The following WNK1 variants were observed in gnomAD, a reference collection of about 807,000 sequenced individuals.
The protein encoded by WNK1 is serine/threonine-protein kinase WNK1.
A neutral mutation model predicts 222.8 loss-of-function variants in WNK1; 38 were observed. That is an observed-to-expected ratio of 0.17 (90% confidence interval 0.13 to 0.22). The LOEUF (loss-of-function observed/expected upper bound fraction) is 0.22. Among genes scored for constraint, WNK1 ranks in the 10% least tolerant of loss-of-function variants. The pLI is 1.00. For synonymous variants in WNK1, 1,090 were observed against 1,092.9 expected (o/e 1.00, Z 0.05); for missense variants, 2,348 against 2,918.4 (o/e 0.80, Z 4.50).
In WNK1 at chr12:881,977, G is replaced by A. The variant is rs1953206659; in HGVS notation, c.3276G>A (p.Arg1092=). ...GNENVPSSSG[R]HEGRTTKRHY... ...AGAACGTCCCATCTTCCAGTGGAAG[G>A]CATGAAGGAAGAACTACAAAACGGC... The change falls in exon 14 of 28, where the codon AGG becomes AGA. Residue 1092 remains arginine, a synonymous_variant. Coordinates refer to ENST00000315939, the MANE Select transcript of WNK1 (RefSeq NM_018979.4). 1 of 1,614,126 alleles carries A rather than the reference G, an allele frequency of 6.2e-7. No homozygotes were observed. The highest frequency in any genetic ancestry group is 8.5e-7 in the Non-Finnish European group (1 of 1,180,022).
rs1236699407 is a variant in WNK1, at chr12:861,183, T to G, written c.1791T>G (p.Ser597Arg). Residue 597 changes from serine to arginine, a missense_variant, in exon 7 of 28, where the codon AGT (serine) becomes AGG (arginine). Physicochemically the swap from Ser to Arg is moderately radical, Grantham distance 110 (BLOSUM62 -1). Transcript: ENST00000315939. The part of the protein sequence containing the change: ...SSLKQQVEQS[S>R]ASQTGIKQLP... Reference sequence around the variant, plus strand: ...TCAAACAGCAGGTAGAACAATCCAGTGCTTCCCAGACAGGAATCAAGCAGC... The same window carrying G: ...TCAAACAGCAGGTAGAACAATCCAGGGCTTCCCAGACAGGAATCAAGCAGC... 6.2e-7 allele frequency: 1 copy of G among 1,613,822 alleles called. No individual in the cohort carries two copies. The highest frequency in any genetic ancestry group is 1.1e-5 in the South Asian group (1 of 91,070).
chr12:875,485 A>G (rs1952523868), intron 9 of WNK1, among the ~76,000 whole-genome samples: 1 of 152,252 alleles, frequency 6.6e-6, no homozygotes, highest in Non-Finnish European at 1.5e-5. Flanking sequence ...AATATTTTTA[A>G]GGAATAAACA....
rs907851307 is a variant in WNK1, at chr12:778,333, TTTTC to T, written c.759+24017_759+24020del. Among the ~76,000 whole-genome samples the T allele has an allele frequency of 3.0e-4, 46 of 152,138 alleles. 1 individual carries two copies. The East Asian group carries it at 7.9e-3, about 26-fold the overall frequency. ...ATTAATTTTTTTTTCGTCTTTTCCTTTTTCTTTCTTTTTTTCTGAGACGGAGTCT... is the reference window on the plus strand; with the variant it reads ...ATTAATTTTTTTTTCGTCTTTTCCTTTTTCTTTTTTTCTGAGACGGAGTCT... On this transcript the variant is annotated intron_variant, in intron 1 of 27. Coordinates refer to ENST00000315939, the MANE Select transcript of WNK1 (RefSeq NM_018979.4).
intron 2 of WNK1, among the ~76,000 whole-genome samples, chr12:814,685 AC>A (rs1039624446): frequency 6.6e-6 from 1 of 151,976 alleles, no homozygotes; most frequent in African/African-American, 2.4e-5. Context: ...GCAGTCCCCA[AC>A]CTTTTTGGCA....
At chr12:907,327 A>G (rs1031092549) in intron 26 of WNK1, among the ~76,000 whole-genome samples, 1 of 151,796 alleles carries the variant, frequency 6.6e-6, no homozygotes, top group Non-Finnish European at 1.5e-5. Context: ...TCTCAAAAAA[A>G]AAAAAAAAGG....
intron 2 of WNK1, among the ~76,000 whole-genome samples, chr12:825,669 G>C (rs1948300282): frequency 6.6e-6 from 1 of 151,996 alleles, no homozygotes; most frequent in South Asian, 2.1e-4. Context: ...TAACAGTATA[G>C]AAAATTTTAC....
chr12:773,883 A>G (rs1942816984), intron 1 of WNK1, among the ~76,000 whole-genome samples: 1 of 152,104 alleles, frequency 6.6e-6, no homozygotes, highest in Non-Finnish European at 1.5e-5. Context: ...CCACAGTGTT[A>G]AGTATGTTAT....
chr12:835,985 G>C (rs1949150084), intron 4 of WNK1, among the ~76,000 whole-genome samples: 1 of 152,018 alleles, frequency 6.6e-6, no homozygotes, highest in Non-Finnish European at 1.5e-5. Context: ...CTATTAGAGT[G>C]ATAAGGTTTG....
intron 1 of WNK1, among the ~76,000 whole-genome samples, chr12:768,860 A>T (rs1454415627): frequency 6.6e-6 from 1 of 151,722 alleles, no homozygotes; most frequent in African/African-American, 2.4e-5. Flanking sequence ...ACCAAACTGG[A>T]GTGCAGTGGT....
intron 9 of WNK1, among the ~76,000 whole-genome samples, chr12:871,552 C>G (rs1285926698): frequency 2.0e-5 from 3 of 152,142 alleles, no homozygotes; most frequent in Non-Finnish European, 4.4e-5. Flanking sequence ...TACTTTTGAA[C>G]AATTTAGTAG....
intron 1 of WNK1, among the ~76,000 whole-genome samples, chr12:797,866 T>C (rs1318228857): frequency 6.6e-6 from 1 of 151,244 alleles, no homozygotes; most frequent in African/African-American, 2.4e-5. Flanking sequence ...GGATAATCGC[T>C]TGAACCCGGG....
At chr12:868,395 G>C in intron 8 of WNK1, 1 of 1,613,924 alleles carries the variant, frequency 6.2e-7, no homozygotes, top group South Asian at 1.1e-5. Context: ...CCAGTACAAG[G>C]GGGCCCTACT....
intron 1 of WNK1, among the ~76,000 whole-genome samples, chr12:786,406 C>A (rs1189310924): frequency 2.0e-5 from 3 of 151,578 alleles, no homozygotes; most frequent in African/African-American, 7.3e-5. Context: ...CTTTGCTTAA[C>A]ACATTCCCTT....
intron 11 of WNK1, 36 bp downstream of exon 11, chr12:880,067 G>A (rs61919873): frequency 1.9e-5 from 31 of 1,590,384 alleles, no homozygotes; most frequent in Non-Finnish European, 2.5e-5. Context: ...GCACCACAGA[G>A]TTTGATCCTA....
At position 753,495 on chromosome 12, in the gene WNK1, G is replaced by A. The variant is rs140209689; in HGVS notation, c.-71G>A. 1.4e-3 allele frequency: 2,196 copies of A among 1,599,764 alleles called. 19 individuals are homozygous for A. Among genetic ancestry groups the A allele is most frequent in the South Asian group, 8.8e-3 (785 of 89,484 alleles). ...GCGGTTCCCTGCAGACCTCTGCGCG[G>A]GCGGCTCGGCCCTTCACGCCCTTTT... On this transcript the variant is annotated 5_prime_UTR_variant, in exon 1 of 28. Transcript: ENST00000315939. This position sits in a 1 kb window ranked among gnomAD's most constrained non-coding sequence, Gnocchi z 5.2.
chr12:766,193 C>T (rs183931635), intron 1 of WNK1, among the ~76,000 whole-genome samples: 33 of 152,212 alleles, frequency 2.2e-4, no homozygotes, highest in African/African-American at 7.9e-4. Flanking sequence ...CCTAACCTCA[C>T]CATTATGCAG....
At chr12:817,465 T>C (rs1436645504) in intron 2 of WNK1, among the ~76,000 whole-genome samples, 1 of 152,210 alleles carries the variant, frequency 6.6e-6, no homozygotes, top group Admixed American at 6.5e-5. Flanking sequence ...TCTGGAAGAA[T>C]GGATAACTAG....
chr12:874,459 A>G (rs566907694), intron 9 of WNK1, among the ~76,000 whole-genome samples: 5 of 152,324 alleles, frequency 3.3e-5, no homozygotes, highest in African/African-American at 1.2e-4. Flanking sequence ...GGTCACTGTC[A>G]TAGATGCCTC....
At position 884,857 on chromosome 12, in the gene WNK1, A is replaced by AGCC. The variant is rs763689396; in HGVS notation, c.4054_4056dup (p.Ala1352dup). On this transcript the variant is annotated inframe_insertion, in exon 19 of 28. Transcript: ENST00000315939. The surrounding 1 kb of genome is among the most constrained non-coding windows in gnomAD (Gnocchi z 5.6). ...TTGCTGGAGTCCCAACCACAGCAGC[A>AGCC]GCCACAGCACCAGTCCCTGCAACAA... 6.2e-7 allele frequency: 1 copy of AGCC among 1,614,154 alleles called. No homozygotes were observed. Among genetic ancestry groups the AGCC allele is most frequent in the African/African-American group, 1.3e-5 (1 of 75,028 alleles).
Sources: allele counts gnomAD v4.1 joint callset (sites outside exome capture counted in the v4.1 genomes callset), GRCh38; gene constraint gnomAD v4.1.1; non-coding constraint Gnocchi (gnomAD v3.1); transcripts MANE v1.5; gene names NCBI Gene and HGNC (gene_info 2026-07-23, HGNC 2026-07-21).